DHX38: variants seen among roughly 807,000 people sequenced by gnomAD.
DHX38 encodes the protein pre-mRNA-splicing factor ATP-dependent RNA helicase PRP16.
Under a neutral mutation model 153.1 loss-of-function variants are expected in DHX38, and 100 were observed. That is an observed-to-expected ratio of 0.65 (90% CI 0.56 to 0.77). DHX38 has a LOEUF of 0.77. Ranked by LOEUF, DHX38 falls within the 30% of genes least tolerant of loss-of-function variation. The pLI, the probability that DHX38 is intolerant of heterozygous loss-of-function variation, is 0.00. For synonymous variants in DHX38, 650 were observed against 631.7 expected (o/e 1.03, Z -0.43); for missense variants, 1,440 against 1,654.0 (o/e 0.87, Z 2.24).
rs2042250043 is a variant in DHX38 at position 72,111,082 on chromosome 16, G to A, written c.3599+5G>A. On this transcript the variant is annotated splice_donor_5th_base_variant and intron_variant, in intron 26 of 26. Transcript: ENST00000268482. ...CAGCCCCCTGGGCAGTGTCAGGTGAGCTCCGGCCTTCGGGCTCTGGCTGGG... is the reference window on the plus strand; with the variant it reads ...CAGCCCCCTGGGCAGTGTCAGGTGAACTCCGGCCTTCGGGCTCTGGCTGGG... 1.3e-6 allele frequency: 2 copies of A among 1,555,410 alleles called. No individual in the cohort carries two copies. The highest frequency in any genetic ancestry group is 1.7e-6 in the Non-Finnish European group (2 of 1,149,950).
chr16:72,105,050 G>T lies in DHX38; in HGVS notation c.2175G>T (p.Glu725Asp). The T allele has an allele frequency of 6.2e-7, 1 of 1,614,196 alleles. No individual in the cohort carries two copies. Among genetic ancestry groups the T allele is most frequent in the Non-Finnish European group, 8.5e-7 (1 of 1,180,040 alleles). ...AGACCCCACAGGAGGATTACGTGGA[G>T]GCTGCAGTGAAGCAGTCCTTGCAGG... ...FSKTPQEDYV[E>D]AAVKQSLQVH... is the part of the protein sequence containing the mutation. Residue 725 changes from glutamate to aspartate, a missense_variant, in exon 16 of 27, where the codon GAG becomes GAT. By Grantham distance (45) the Glu-to-Asp change is conservative. Around this residue, in one of 6 missense-constraint regions of DHX38, gnomAD observed 543 missense variants for 717.9 expected, o/e 0.76. Coordinates refer to ENST00000268482, the MANE Select transcript of DHX38 (RefSeq NM_014003.4).
intron 11 of DHX38, among the ~76,000 whole-genome samples, chr16:72,102,782 ACT>A (rs2042118284): frequency 6.6e-6 from 1 of 152,014 alleles, no homozygotes; most frequent in African/African-American, 2.4e-5. Flanking sequence ...TCTTCTGCTC[ACT>A]CTGTTTTGGT....
chr16:72,107,912 G>A lies in DHX38; in HGVS notation c.2964+113G>A, dbSNP rs1007002801. On this transcript the variant is annotated intron_variant, in intron 21 of 26. Coordinates refer to ENST00000268482, the MANE Select transcript of DHX38 (RefSeq NM_014003.4). This position sits in a 1 kb window ranked among gnomAD's most constrained non-coding sequence, Gnocchi z 5.3. Reference sequence around the variant, plus strand: ...AACAGAGGGCAGAATCAGAGTTTCTGAAGAATGATTTTGCTGTTCTCGGTT... The same window carrying A: ...AACAGAGGGCAGAATCAGAGTTTCTAAAGAATGATTTTGCTGTTCTCGGTT... 2 of 1,419,288 alleles carry A rather than the reference G, an allele frequency of 1.4e-6. No individual in the cohort carries two copies. The highest frequency in any genetic ancestry group is 1.9e-6 in the Non-Finnish European group (2 of 1,061,802). The allele number at this position is 1,419,288 out of a possible 1,614,324, so 87.9% of individuals were successfully genotyped here. A position where few individuals can be genotyped will look rare whatever the true frequency, so the allele number is the denominator to read the frequency against.
chr16:72,108,533 T>C lies in DHX38; in HGVS notation c.3181T>C (p.Ser1061Pro). The C allele has an allele frequency of 6.2e-7, 1 of 1,614,172 alleles. No individual in the cohort carries two copies. Among genetic ancestry groups the C allele is most frequent in the Non-Finnish European group, 8.5e-7 (1 of 1,180,020 alleles). Residue 1061 changes from serine to proline, a missense_variant, in exon 23 of 27, where the codon TCG becomes CCG. By Grantham distance (74) the Ser-to-Pro change is moderately conservative. Coordinates refer to ENST00000268482, the MANE Select transcript of DHX38 (RefSeq NM_014003.4). ...GGTGCAGCAGCGGATGAGCCTGGCCTCGTGTGGCACTGACTGGGACATCGT... is the reference window on the plus strand; with the variant it reads ...GGTGCAGCAGCGGATGAGCCTGGCCCCGTGTGGCACTGACTGGGACATCGT... ...IMVQQRMSLA[S>P]CGTDWDIVRK...
Position 72,107,047 on chromosome 16 carries a change from T to C in DHX38, c.2601-293T>C, listed in dbSNP as rs1362793036. Among the ~76,000 whole-genome samples, 1 of 152,080 alleles carries C rather than the reference T, an allele frequency of 6.6e-6. No individual in the cohort carries two copies. Among genetic ancestry groups the C allele is most frequent in the Admixed American group, 6.5e-5 (1 of 15,276 alleles). ...AGCTGGGCGTGGTGGCGGATGCCTG[T>C]AGTCCCAGCTACTCGGGAGGCTGAG... On this transcript the variant is annotated intron_variant, in intron 19 of 26. Transcript: ENST00000268482. The surrounding 1 kb of genome is among the most constrained non-coding windows in gnomAD (Gnocchi z 5.3).
At chr16:72,100,025 G>C in intron 8 of DHX38, 138 bp downstream of exon 8, 1 of 1,205,862 alleles carries the variant, frequency 8.3e-7, no homozygotes, top group Non-Finnish European at 1.2e-6. Context: ...GGAGGTGGAA[G>C]AGGAGTGGGT....
chr16:72,096,034 G>C, intron 1 of DHX38, 105 bp from the exon 2 acceptor site: 1 of 1,182,246 alleles, frequency 8.5e-7, no homozygotes, highest in South Asian at 1.6e-5. Flanking sequence ...GTCTTAAGGG[G>C]AGATGGGGAA....
Position 72,112,416 on chromosome 16 carries a change from T to C in DHX38, c.3603T>C (p.Ser1201=), listed in dbSNP as rs1432212077. 5 of 1,546,654 alleles carry C rather than the reference T, an allele frequency of 3.2e-6. No homozygotes were observed. Among genetic ancestry groups the C allele is most frequent in the Admixed American group, 1.8e-5 (1 of 54,154 alleles). ...ATCTCTCCTGCTGTGTCTCCAGGTC[T>C]ACGAAGATCTACACTCCAGGCCGGA... is the stretch of plus-strand genomic sequence containing the variant. The part of the protein sequence containing the change: ...EKRSPLGSVR[S]TKIYTPGRKE... Residue 1201 remains serine, a synonymous_variant, in exon 27 of 27, where the codon TCT becomes TCC. Coordinates refer to ENST00000268482, the MANE Select transcript of DHX38 (RefSeq NM_014003.4).
rs554551145 is a variant in DHX38 at position 72,107,308 on chromosome 16, G to C, written c.2601-32G>C. 2.5e-6 allele frequency: 4 copies of C among 1,584,394 alleles called. No homozygotes were observed. In the African/African-American group the frequency reaches 5.4e-5, roughly 21 times the overall value. On this transcript the variant is annotated intron_variant, in intron 19 of 26. Coordinates refer to ENST00000268482, the MANE Select transcript of DHX38 (RefSeq NM_014003.4). This position sits in a 1 kb window ranked among gnomAD's most constrained non-coding sequence, Gnocchi z 5.3. ...GTACTGGCTGCTGTGGGGTTTCCTT[G>C]TGGTGAGAAGATGGGGTCTTCTCCC...
rs562522088 is a variant in DHX38 at position 72,099,953 on chromosome 16, G to C, written c.1116+66G>C. The stretch of plus-strand genomic sequence containing the variant: ...AGGTAGAGCACGTGGGGAAGCAGCA[G>C]GTTATCCCCAAGTGAGGGCAGCACA... On this transcript the variant is annotated intron_variant, in intron 8 of 26. Coordinates refer to ENST00000268482, the MANE Select transcript of DHX38 (RefSeq NM_014003.4). 65 of 1,538,010 alleles carry C rather than the reference G, an allele frequency of 4.2e-5. No homozygotes were observed. The South Asian group carries it at 7.4e-4, about 17-fold the overall frequency.
At chr16:72,105,415 CTG>C in intron 17 of DHX38, 67 bp downstream of exon 17, 1 of 1,598,682 alleles carries the variant, frequency 6.3e-7, no homozygotes, top group South Asian at 1.1e-5. Context: ...GGGGATGTGA[CTG>C]TCCTGGCAGG....
At position 72,107,072 on chromosome 16, in the gene DHX38, G is replaced by A. The variant is rs2042188266; in HGVS notation, c.2601-268G>A. 6.6e-6 allele frequency among the ~76,000 whole-genome samples: 1 copy of A among 152,188 alleles called. No homozygotes were observed. The highest frequency in any genetic ancestry group is 2.4e-5 in the African/African-American group (1 of 41,440). ...TAGTCCCAGCTACTCGGGAGGCTGAGGCAGGAGAATCGCTTAAATCCGGGA... is the reference window on the plus strand; with the variant it reads ...TAGTCCCAGCTACTCGGGAGGCTGAAGCAGGAGAATCGCTTAAATCCGGGA... On this transcript the variant is annotated intron_variant, in intron 19 of 26. Coordinates refer to ENST00000268482, the MANE Select transcript of DHX38 (RefSeq NM_014003.4). The surrounding 1 kb of genome is among the most constrained non-coding windows in gnomAD (Gnocchi z 5.3).
Position 72,107,330 on chromosome 16 carries a change from T to C in DHX38, c.2601-10T>C. 3 of 1,600,638 alleles carry C rather than the reference T, an allele frequency of 1.9e-6. No homozygotes were observed. Among genetic ancestry groups the C allele is most frequent in the Non-Finnish European group, 2.5e-6 (3 of 1,177,166 alleles). ...CTTGTGGTGAGAAGATGGGGTCTTCTCCCCGGCAGGCTCTACACCCAGAGC... is the reference window on the plus strand; with the variant it reads ...CTTGTGGTGAGAAGATGGGGTCTTCCCCCCGGCAGGCTCTACACCCAGAGC... On this transcript the variant is annotated splice_polypyrimidine_tract_variant and intron_variant, in intron 19 of 26. Coordinates refer to ENST00000268482, the MANE Select transcript of DHX38 (RefSeq NM_014003.4). This position sits in a 1 kb window ranked among gnomAD's most constrained non-coding sequence, Gnocchi z 5.3.
chr16:72,104,922 C>G lies in DHX38; in HGVS notation c.2152-105C>G. On this transcript the variant is annotated intron_variant, in intron 15 of 26. Transcript: ENST00000268482. The surrounding 1 kb of genome is among the most constrained non-coding windows in gnomAD (Gnocchi z 4.5). ...GTGGAGGTGTGGTGGCCCTCAAAGT[C>G]CATGGCTCCATTCCAGAGCAGTGCC... 2 of 1,175,732 alleles carry G rather than the reference C, an allele frequency of 1.7e-6. No individual in the cohort carries two copies. The highest frequency in any genetic ancestry group is 1.2e-6 in the Non-Finnish European group (1 of 837,470). 72.8% of individuals were successfully genotyped at this position (1,175,732 alleles called of 1,614,324 possible).
intron 18 of DHX38, 87 bp from the exon 19 acceptor site, chr16:72,105,918 T>C: frequency 7.9e-7 from 1 of 1,264,028 alleles, no homozygotes; most frequent in East Asian, 2.3e-5. Flanking sequence ...CTGCCATGTG[T>C]AGCAACCAGG....
chr16:72,103,481 C>G lies in DHX38; in HGVS notation c.1638-121C>G, dbSNP rs1329353215. The G allele has an allele frequency of 4.2e-6, 5 of 1,179,390 alleles. No homozygotes were observed. In the East Asian group the frequency reaches 7.3e-5, roughly 17 times the overall value. 73.1% of individuals were successfully genotyped at this position (1,179,390 alleles called of 1,614,324 possible). ...TGTTGTCCCAGTGAAATTCTCCCTT[C>G]TAAACCGGCATGCTCCCTGGATAGC... On this transcript the variant is annotated intron_variant, in intron 12 of 26. Transcript: ENST00000268482.
rs777861936 is a variant in DHX38 at position 72,104,094 on chromosome 16, C to G, written c.1973C>G (p.Ser658Cys). 6.2e-7 allele frequency: 1 copy of G among 1,614,124 alleles called. No individual in the cohort carries two copies. Among genetic ancestry groups the G allele is most frequent in the Non-Finnish European group, 8.5e-7 (1 of 1,180,032 alleles). ...ATCATGGACGAGGCCCACGAGCGCT[C>G]CCTCAACACTGACGTGCTCTTTGGG... is the stretch of plus-strand genomic sequence containing the variant. The part of the protein sequence containing the change: ...AIIMDEAHER[S>C]LNTDVLFGLL... The change falls in exon 14 of 27, where the codon TCC (serine) becomes TGC (cysteine). Residue 658 changes from serine (S) to cysteine (C), a missense_variant. By Grantham distance (112) the Ser-to-Cys change is moderately radical (BLOSUM62 -1). Around this residue, in one of 6 missense-constraint regions of DHX38, gnomAD observed 543 missense variants for 717.9 expected, o/e 0.76. Coordinates refer to ENST00000268482, the MANE Select transcript of DHX38 (RefSeq NM_014003.4). The surrounding 1 kb of genome is among the most constrained non-coding windows in gnomAD (Gnocchi z 4.5).
At position 72,099,341 on chromosome 16, in the gene DHX38, C is replaced by T. The variant is rs2042066180; in HGVS notation, c.960+61C>T. 64 of 1,440,118 alleles carry T rather than the reference C, an allele frequency of 4.4e-5. 1 individual carries two copies. The South Asian group carries it at 8.5e-4, about 19-fold the overall frequency. The allele number at this position is 1,440,118 out of a possible 1,614,324, so 89.2% of individuals were successfully genotyped here. ...TGGTGGCCGTCTGTAGATGGGTGAC[C>T]CTCTAGCAGGACTGGGCTTTGATGA... On this transcript the variant is annotated intron_variant, in intron 7 of 26. Transcript: ENST00000268482.
In DHX38 at chr16:72,109,542, G is replaced by A. The variant is rs540421015; in HGVS notation, c.3477+32G>A. The A allele has an allele frequency of 1.5e-4, 234 of 1,589,180 alleles. 6 individuals carry two copies. In the South Asian group the frequency reaches 2.6e-3, roughly 17 times the overall value. ...ATTCTGTGCTCTTCGCAGGGGTGCT[G>A]TTTGCCTGTGGGGTCGGTGTTCCCT... On this transcript the variant is annotated intron_variant, in intron 25 of 26. Transcript: ENST00000268482.
Sources: allele counts gnomAD v4.1 joint callset (sites outside exome capture counted in the v4.1 genomes callset), GRCh38; gene constraint gnomAD v4.1.1; regional missense constraint gnomAD v4.1.1; non-coding constraint Gnocchi (gnomAD v3.1); transcripts MANE v1.5; gene names NCBI Gene and HGNC (gene_info 2026-07-23, HGNC 2026-07-21).